PKHD1: variants seen among roughly 807,000 people sequenced by gnomAD.
PKHD1 encodes the protein fibrocystin.
PKHD1 carries 291 observed loss-of-function variants against 412.0 expected under a neutral mutation model. The ratio of observed to expected loss-of-function variants is 0.71; its 90% CI spans 0.64 to 0.78. The LOEUF is 0.78. PKHD1 is among the 30% of genes least tolerant of loss of function. The probability of loss-of-function intolerance (pLI) is 0.00; values close to 1 mark genes in which losing one functional copy is unlikely to be tolerated. For synonymous variants in PKHD1, 1,777 were observed against 1,821.5 expected (o/e 0.98, Z 0.62); for missense variants, 4,825 against 4,950.7 (o/e 0.97, Z 0.76).
chr6:51,935,780 G>A (rs933574005), intron 36 of PKHD1, among the ~76,000 whole-genome samples: 7 of 152,094 alleles, frequency 4.6e-5, no homozygotes, highest in Admixed American at 2.0e-4. Context: ...TCTTCCCTCT[G>A]GAAGGTTCTT....
At position 51,748,333 on chromosome 6, in the gene PKHD1, C is replaced by A; in HGVS notation, c.9283G>T (p.Val3095Phe). Residue 3095 changes from valine to phenylalanine, a missense_variant, in exon 58 of 67, where the codon GTT becomes TTT. Physicochemically the swap from Val to Phe is conservative, Grantham distance 50. Coordinates refer to ENST00000371117, the MANE Select transcript of PKHD1 (RefSeq NM_138694.4). ...CCAAGTCTCTCTGATCCTGCCACAA[C>A]GTTGCCATGGAGGTTGATGTCCTTT... is the stretch of plus-strand genomic sequence containing the variant. ...QVKDINLHGN[V>F]VAGSERLGFH... 6.2e-7 allele frequency: 1 copy of A among 1,614,078 alleles called. No homozygotes were observed. The highest frequency in any genetic ancestry group is 8.5e-7 in the Non-Finnish European group (1 of 1,179,978).
At chr6:52,055,890 G>C (rs1485111201) in intron 18 of PKHD1, among the ~76,000 whole-genome samples, 161 bp from the exon 19 acceptor site, 1 of 152,204 alleles carries the variant, frequency 6.6e-6, no homozygotes, top group East Asian at 1.9e-4. Flanking sequence ...CAACCTCTCT[G>C]AGCCTCAGTT....
intron 50 of PKHD1, among the ~76,000 whole-genome samples, chr6:51,841,312 C>T (rs1467424228): frequency 6.6e-6 from 1 of 152,218 alleles, no homozygotes; most frequent in Non-Finnish European, 1.5e-5. Flanking sequence ...CATTGCGGAG[C>T]ATTAACTCCT....
intron 61 of PKHD1, 129 bp downstream of exon 61, chr6:51,658,822 AT>A (rs2150410157): frequency 1.5e-6 from 1 of 688,718 alleles, no homozygotes; most frequent in East Asian, 2.6e-5. Flanking sequence ...GACTCTTTGA[AT>A]TTTTATTCTT....
chr6:51,828,998 T>C (rs1428873286), intron 52 of PKHD1, among the ~76,000 whole-genome samples: 2 of 152,164 alleles, frequency 1.3e-5, no homozygotes, highest in Non-Finnish European at 2.9e-5. Flanking sequence ...ATTTTTTATA[T>C]ATTACACACC....
chr6:51,646,961 T>G (rs896461518), intron 63 of PKHD1, among the ~76,000 whole-genome samples: 1 of 152,156 alleles, frequency 6.6e-6, no homozygotes, highest in African/African-American at 2.4e-5. Context: ...CCAATGGCTC[T>G]GCATCTCACT....
intron 50 of PKHD1, among the ~76,000 whole-genome samples, chr6:51,842,260 T>C (rs925650529): frequency 3.3e-5 from 5 of 151,856 alleles, no homozygotes; most frequent in Non-Finnish European, 7.4e-5. Context: ...GCTCCATGAG[T>C]GGGGGCTGTG....
At chr6:52,056,839 C>T in intron 17 of PKHD1, 51 bp from the exon 18 acceptor site, 1 of 1,582,244 alleles carries the variant, frequency 6.3e-7, no homozygotes, top group Non-Finnish European at 8.7e-7. Context: ...GCATAAAGAC[C>T]ACCCCCAGTT....
chr6:51,807,485 ATGTGTGTGTGTGTG>A (rs567506746), intron 52 of PKHD1, among the ~76,000 whole-genome samples: 1 of 111,794 alleles, frequency 8.9e-6, no homozygotes, highest in African/African-American at 3.9e-5. Context: ...ATATATGTAT[ATGTGTGTGTGTGTG>A]TGTGTGTGTG....
rs564434176 is a variant in PKHD1 at position 51,641,667 on chromosome 6, A to G, written c.11399-2711T>C. On this transcript the variant is annotated intron_variant, in intron 63 of 66. Transcript: ENST00000371117. ...CAAATGCCCATCAATGATAGACTGG[A>G]TAAAGAAAATGTGGCACATATACAC... 6.6e-5 allele frequency among the ~76,000 whole-genome samples: 10 copies of G among 152,342 alleles called. No homozygotes were observed. In the East Asian group the frequency reaches 7.7e-4, roughly 12 times the overall value.
rs397757567 is a variant in PKHD1, at chr6:52,028,534, T to TC, written c.3365-184_3365-183insG. ...TCTAACAACTATTTTTTTTTTTTTT[T>TC]GAGACAGGTCTCATTCTGTCACCCA... On this transcript the variant is annotated intron_variant, in intron 29 of 66. Transcript: ENST00000371117. Among the ~76,000 whole-genome samples, 13 of 151,854 alleles carry TC rather than the reference T, an allele frequency of 8.6e-5. No homozygotes were observed. The East Asian group carries it at 2.5e-3, about 29-fold the overall frequency.
chr6:51,825,669 G>A (rs1571080), intron 52 of PKHD1, among the ~76,000 whole-genome samples: 14,623 of 151,870 alleles, frequency 0.096, 803 homozygotes, highest in East Asian at 0.15. Flanking sequence ...CCTCGGCCTC[G>A]CCTTTCCCCA....
chr6:51,887,220 T>C lies in PKHD1; in HGVS notation c.7022A>G (p.Tyr2341Cys), dbSNP rs971505752. ...IEGNRVCGAGYGYFFHLMTNQ... is the reference protein window; with the variant it reads ...IEGNRVCGAGCGYFFHLMTNQ... ...GGTCATGAGATGGAAAAAGTAGCCATAGCCAGCACCACACACTCTGTTCCC... is the reference window on the plus strand; with the variant it reads ...GGTCATGAGATGGAAAAAGTAGCCACAGCCAGCACCACACACTCTGTTCCC... Residue 2341 changes from tyrosine (Y) to cysteine (C), a missense_variant, in exon 44 of 67, where the codon TAT (tyrosine) becomes TGT (cysteine). Physicochemically the swap from Tyr to Cys is radical, Grantham distance 194. Coordinates refer to ENST00000371117, the MANE Select transcript of PKHD1 (RefSeq NM_138694.4). The C allele has an allele frequency of 6.2e-7, 1 of 1,611,424 alleles. No individual in the cohort carries two copies. The highest frequency in any genetic ancestry group is 1.3e-5 in the African/African-American group (1 of 74,862).
chr6:51,707,533 C>A (rs946929912), intron 60 of PKHD1, among the ~76,000 whole-genome samples: 5 of 152,118 alleles, frequency 3.3e-5, no homozygotes, highest in Admixed American at 2.6e-4. Flanking sequence ...ATGTCTAAGA[C>A]CTCCTGGATC....
At chr6:51,636,003 G>A (rs1351036168) in intron 64 of PKHD1, among the ~76,000 whole-genome samples, 1 of 152,094 alleles carries the variant, frequency 6.6e-6, no homozygotes, top group Non-Finnish European at 1.5e-5. Context: ...CCATGGTAAT[G>A]ATAGTGAACG....
chr6:51,837,708 A>AG (rs138526546), intron 50 of PKHD1, among the ~76,000 whole-genome samples: 8,205 of 152,128 alleles, frequency 0.054, 233 homozygotes, highest in South Asian at 0.074. Flanking sequence ...CTCTGTCTTG[A>AG]AAAAACTAAA....
chr6:51,636,222 T>A lies in PKHD1; in HGVS notation c.11506+2627A>T, dbSNP rs1436101826. The stretch of plus-strand genomic sequence containing the variant: ...TTTTCTCTCTAAAATATTGGAGAGA[T>A]GAGGGAAAATAGTGGAAATGATTGC... On this transcript the variant is annotated intron_variant, in intron 64 of 66. Coordinates refer to ENST00000371117, the MANE Select transcript of PKHD1 (RefSeq NM_138694.4). 2.0e-5 allele frequency among the ~76,000 whole-genome samples: 3 copies of A among 152,194 alleles called. No homozygotes were observed. In the East Asian group the frequency reaches 5.8e-4, roughly 29 times the overall value.
intron 44 of PKHD1, among the ~76,000 whole-genome samples, chr6:51,886,232 G>C (rs537106962): frequency 6.6e-6 from 1 of 152,230 alleles, no homozygotes; most frequent in Admixed American, 6.5e-5. Context: ...TGCATATTTG[G>C]AAGTTTAATT....
At chr6:51,749,903 T>G (rs1198586765) in intron 57 of PKHD1, among the ~76,000 whole-genome samples, 1 of 152,224 alleles carries the variant, frequency 6.6e-6, no homozygotes, top group Non-Finnish European at 1.5e-5. Flanking sequence ...CTCCTTTTAT[T>G]TCATTTTTAA....
Sources: allele counts gnomAD v4.1 joint callset (sites outside exome capture counted in the v4.1 genomes callset), GRCh38; gene constraint gnomAD v4.1.1; transcripts MANE v1.5; gene names NCBI Gene and HGNC (gene_info 2026-07-23, HGNC 2026-07-21).